The following GKAP1 variants were observed in gnomAD, a reference collection of about 807,000 sequenced individuals.
The protein encoded by GKAP1 is G kinase anchoring protein 1, also known as G kinase-anchoring protein 1.
Under a neutral mutation model 56.7 loss-of-function variants are expected in GKAP1, and 31 were observed. The ratio of observed to expected loss-of-function variants is 0.55; its 90% CI spans 0.41 to 0.74. The LOEUF (loss-of-function observed/expected upper bound fraction) is 0.74, where lower values mean the gene tolerates loss of function less well. Among genes scored for constraint, GKAP1 ranks in the 30% least tolerant of loss-of-function variants. The probability of loss-of-function intolerance (pLI) is 0.00; values close to 1 mark genes in which losing one functional copy is unlikely to be tolerated. For synonymous variants in GKAP1, 151 were observed against 138.6 expected, an observed-to-expected ratio of 1.09 and a Z score of -0.63; for missense variants, 364 against 402.3, an observed-to-expected ratio of 0.90 and a Z score of 0.82.
chr9:83,804,138 C>T (rs1389034082), intron 3 of GKAP1, among the ~76,000 whole-genome samples: 3 of 148,594 alleles, frequency 2.0e-5, no homozygotes, highest in Middle Eastern at 3.7e-3. Flanking sequence ...GTCAGCCCCC[C>T]GCACGGCCAG....
chr9:83,814,584 T>C (rs1191540609), intron 2 of GKAP1, among the ~76,000 whole-genome samples: 1 of 152,242 alleles, frequency 6.6e-6, no homozygotes, highest in African/African-American at 2.4e-5. Flanking sequence ...GACAAGAGTT[T>C]CTATCCCTTA....
chr9:83,803,897 G>A (rs1036584756), intron 3 of GKAP1, among the ~76,000 whole-genome samples: 2 of 145,698 alleles, frequency 1.4e-5, no homozygotes, highest in Non-Finnish European at 3.0e-5. Flanking sequence ...GAGCGCCTCT[G>A]CCCCGCCGCC....
intron 4 of GKAP1, among the ~76,000 whole-genome samples, chr9:83,794,164 T>A (rs1018277153): frequency 6.6e-6 from 1 of 151,974 alleles, no homozygotes; most frequent in East Asian, 1.9e-4. Context: ...TAAGACCCCA[T>A]CTCAAAAAAT....
intron 3 of GKAP1, among the ~76,000 whole-genome samples, chr9:83,804,221 G>C (rs1944387407): frequency 6.7e-6 from 1 of 148,632 alleles, no homozygotes; most frequent in African/African-American, 2.5e-5. Flanking sequence ...CCCTCTGCCG[G>C]GCCAGCCACC....
chr9:83,773,590 C>T (rs1206123760), intron 7 of GKAP1, among the ~76,000 whole-genome samples: 1 of 152,100 alleles, frequency 6.6e-6, no homozygotes, highest in East Asian at 1.9e-4. Context: ...TACCTACAGA[C>T]CTTATGGCCC....
At chr9:83,782,816 G>A (rs866925529) in intron 6 of GKAP1, among the ~76,000 whole-genome samples, 7 of 150,498 alleles carry the variant, frequency 4.7e-5, no homozygotes, top group Non-Finnish European at 8.9e-5. Context: ...ACAGGCACAC[G>A]CCACCACACG....
intron 10 of GKAP1, among the ~76,000 whole-genome samples, chr9:83,746,928 T>A (rs2131230540): frequency 6.6e-6 from 1 of 152,324 alleles, no homozygotes; most frequent in Non-Finnish European, 1.5e-5. Context: ...TATCTTCACA[T>A]CTGAAAACCA....
At chr9:83,750,324 G>A (rs1943367020) in intron 9 of GKAP1, among the ~76,000 whole-genome samples, 1 of 152,128 alleles carries the variant, frequency 6.6e-6, no homozygotes. Context: ...AGCATACAAA[G>A]TTGATAAAAT....
In GKAP1 at chr9:83,812,752, A is replaced by AT. The variant is rs1165672581; in HGVS notation, c.-44+4243dup. Among the ~76,000 whole-genome samples, 5 of 152,068 alleles carry AT rather than the reference A, an allele frequency of 3.3e-5. No homozygotes were observed. In the East Asian group the frequency reaches 5.8e-4, roughly 18 times the overall value. ...GCATAATGTAATCAATACAATATTGATTTTTTTGCCCTGTGTCAAAATTTA... is the reference window on the plus strand; with the variant it reads ...GCATAATGTAATCAATACAATATTGATTTTTTTTGCCCTGTGTCAAAATTTA... On this transcript the variant is annotated intron_variant, in intron 2 of 12. Coordinates refer to ENST00000376371, the MANE Select transcript of GKAP1 (RefSeq NM_025211.4).
At chr9:83,741,755 T>C (rs924459965) in intron 12 of GKAP1, among the ~76,000 whole-genome samples, 197 bp downstream of exon 12, 1 of 152,170 alleles carries the variant, frequency 6.6e-6, no homozygotes, top group African/African-American at 2.4e-5. Context: ...TCCTGAATTA[T>C]GCTAGTTATT....
intron 3 of GKAP1, 133 bp from the exon 4 acceptor site, chr9:83,799,461 C>A (rs968276574): frequency 4.9e-6 from 3 of 611,316 alleles, no homozygotes; most frequent in South Asian, 2.1e-5. Flanking sequence ...ACTCACACAG[C>A]TAAAGTTATT....
chr9:83,803,744 T>G (rs1311582829), intron 3 of GKAP1, among the ~76,000 whole-genome samples: 1 of 143,552 alleles, frequency 7.0e-6, no homozygotes, highest in Admixed American at 6.9e-5. Flanking sequence ...CCCCTCTGCC[T>G]GGCTGCCCAG....
At chr9:83,749,508 G>T (rs1222876106) in intron 9 of GKAP1, among the ~76,000 whole-genome samples, 1 of 152,016 alleles carries the variant, frequency 6.6e-6, no homozygotes, top group Admixed American at 6.5e-5. Flanking sequence ...GATTACAGGC[G>T]TGAGCCACTG....
At chr9:83,808,132 TACC>T (rs1157005589) in intron 2 of GKAP1, among the ~76,000 whole-genome samples, 3 of 152,192 alleles carry the variant, frequency 2.0e-5, no homozygotes, top group Admixed American at 6.5e-5. Context: ...ACAGAGATGA[TACC>T]ACATTGATAA....
chr9:83,746,667 C>T (rs1239823638), intron 10 of GKAP1, among the ~76,000 whole-genome samples: 1 of 151,938 alleles, frequency 6.6e-6, no homozygotes, highest in Non-Finnish European at 1.5e-5. Flanking sequence ...ACACTCCAGC[C>T]TGGGCAACAG....
chr9:83,757,531 T>G (rs1310262651), intron 8 of GKAP1, among the ~76,000 whole-genome samples: 1 of 152,204 alleles, frequency 6.6e-6, no homozygotes, highest in East Asian at 1.9e-4. Context: ...AAACTCAGTT[T>G]GAAAAGCATA....
chr9:83,764,853 C>T (rs1434535338), intron 8 of GKAP1, among the ~76,000 whole-genome samples: 1 of 152,136 alleles, frequency 6.6e-6, no homozygotes, highest in Non-Finnish European at 1.5e-5. Flanking sequence ...TTCTAAGCAG[C>T]AAGGCATTCA....
chr9:83,813,763 T>C (rs1944544152), intron 2 of GKAP1, among the ~76,000 whole-genome samples: 1 of 152,214 alleles, frequency 6.6e-6, no homozygotes, highest in South Asian at 2.1e-4. Flanking sequence ...CTATCTTCCA[T>C]AATGTAATGA....
chr9:83,767,651 C>T (rs1044949859), intron 8 of GKAP1, among the ~76,000 whole-genome samples: 1 of 152,096 alleles, frequency 6.6e-6, no homozygotes, highest in Non-Finnish European at 1.5e-5. Context: ...GCATAAGCCA[C>T]AGCACCCAGC....
Sources: allele counts gnomAD v4.1 joint callset (sites outside exome capture counted in the v4.1 genomes callset), GRCh38; gene constraint gnomAD v4.1.1; transcripts MANE v1.5; gene names NCBI Gene and HGNC (gene_info 2026-07-23, HGNC 2026-07-21).